Variants in GRID1 observed in about 807,000 individuals in gnomAD.
GRID1 encodes the protein glutamate ionotropic receptor delta type subunit 1.
A neutral mutation model predicts 98.0 loss-of-function variants in GRID1; 28 were observed. The observed-to-expected ratio is 0.29, with a 90% confidence interval of 0.21 to 0.39. GRID1 has a LOEUF of 0.39. Ranked by LOEUF, GRID1 falls within the 10% of genes least tolerant of loss-of-function variation. The pLI, the probability that GRID1 is intolerant of heterozygous loss-of-function variation, is 1.00. For missense variants in GRID1, 1,111 were observed against 1,340.5 expected (o/e 0.83, Z 2.67); for synonymous variants, 553 against 538.5 (o/e 1.03, Z -0.37).
chr10:85,630,759 G>C (rs1035655444), intron 13 of GRID1, among the ~76,000 whole-genome samples: 2 of 152,126 alleles, frequency 1.3e-5, no homozygotes, highest in African/African-American at 4.8e-5. Context: ...CCCATCCCAA[G>C]ACCCACCAAA....
intron 8 of GRID1, among the ~76,000 whole-genome samples, chr10:85,737,673 T>TATATATGTATAA (rs1342754070): frequency 7.1e-5 from 8 of 113,054 alleles, no homozygotes; most frequent in African/African-American, 2.8e-4. Flanking sequence ...TATATATATA[T>TATATATGTATAA]AAACATATAT....
chr10:85,985,081 C>T (rs11201861), intron 4 of GRID1, among the ~76,000 whole-genome samples: 50,355 of 151,976 alleles, frequency 0.33, 9,150 homozygotes, highest in South Asian at 0.5. Flanking sequence ...GCATCCCAAC[C>T]CCCCAGCTGT....
intron 3 of GRID1, among the ~76,000 whole-genome samples, chr10:86,199,120 C>T (rs1388136806): frequency 6.6e-6 from 1 of 152,130 alleles, no homozygotes; most frequent in Non-Finnish European, 1.5e-5. Flanking sequence ...CATCTCCCAT[C>T]CCAGTCCAAC....
chr10:86,289,574 A>G (rs1463650523), intron 2 of GRID1, among the ~76,000 whole-genome samples: 1 of 151,464 alleles, frequency 6.6e-6, no homozygotes, highest in Non-Finnish European at 1.5e-5. Flanking sequence ...TTTCTAAAAT[A>G]TGGCTCTGAT....
At chr10:85,952,610 C>T (rs1295159787) in intron 4 of GRID1, among the ~76,000 whole-genome samples, 2 of 151,822 alleles carry the variant, frequency 1.3e-5, no homozygotes, top group East Asian at 1.9e-4. Flanking sequence ...TTGGCTCACT[C>T]CCCAAAGAAA....
At chr10:85,833,524 CAAA>C (rs113962227) in intron 8 of GRID1, among the ~76,000 whole-genome samples, 7 of 103,866 alleles carry the variant, frequency 6.7e-5, no homozygotes, top group Non-Finnish European at 4.1e-5. Context: ...TAACTCCCAA[CAAA>C]AAAAAAAAAA....
In GRID1 at chr10:86,237,012, C is replaced by T. The variant is rs1393677081; in HGVS notation, c.236-30364G>A. ...CTTCTAATTCCATGGGCAGGCACGACACAGTCCTCTGCTTCTGCTTCCACA... is the reference window on the plus strand; with the variant it reads ...CTTCTAATTCCATGGGCAGGCACGATACAGTCCTCTGCTTCTGCTTCCACA... On this transcript the variant is annotated intron_variant, in intron 2 of 15. Transcript: ENST00000327946. 2.6e-5 allele frequency among the ~76,000 whole-genome samples: 4 copies of T among 152,128 alleles called. No individual in the cohort carries two copies. The East Asian group carries it at 5.8e-4, about 22-fold the overall frequency.
intron 8 of GRID1, among the ~76,000 whole-genome samples, chr10:85,770,201 G>A (rs1049011783): frequency 6.6e-6 from 1 of 152,170 alleles, no homozygotes; most frequent in Non-Finnish European, 1.5e-5. Flanking sequence ...ACCGCTGCTG[G>A]TACCCAGGCA....
rs1284061401 is a variant in GRID1 at position 85,647,242 on chromosome 10, G to A, written c.2153C>T (p.Ala718Val). 4 of 1,614,126 alleles carry A rather than the reference G, an allele frequency of 2.5e-6. No homozygotes were observed. The highest frequency in any genetic ancestry group is 3.4e-6 in the Non-Finnish European group (4 of 1,180,030). ...LWRTISKNGG[A>V]DNCVSSPSEG... The stretch of plus-strand genomic sequence containing the variant: ...TGAAGGACTGGACACGCAGTTGTCA[G>A]CCCCTCCGTTCTTGCTGATGGTCCG... The change falls in exon 13 of 16, where the codon GCT becomes GTT. Residue 718 changes from alanine (A) to valine (V), a missense_variant. This residue lies in a region of GRID1 where 762 missense variants were observed against 869.1 expected (regional missense o/e 0.88). Coordinates refer to ENST00000327946, the MANE Select transcript of GRID1 (RefSeq NM_017551.3).
At chr10:85,907,610 T>A (rs1347059656) in intron 5 of GRID1, among the ~76,000 whole-genome samples, 1 of 152,002 alleles carries the variant, frequency 6.6e-6, no homozygotes, top group Non-Finnish European at 1.5e-5. Flanking sequence ...GTGGAAAAAA[T>A]AATAATTATT....
At chr10:86,157,588 G>A (rs1589391270) in intron 3 of GRID1, among the ~76,000 whole-genome samples, 3 of 152,266 alleles carry the variant, frequency 2.0e-5, no homozygotes, top group East Asian at 3.9e-4. Flanking sequence ...CCCTAAACAC[G>A]TCTCTCCTCC....
chr10:85,654,213 C>T (rs1840867028), intron 12 of GRID1, among the ~76,000 whole-genome samples: 1 of 152,158 alleles, frequency 6.6e-6, no homozygotes. Flanking sequence ...TTCCTTCCCT[C>T]CATGGCGTTT....
intron 5 of GRID1, among the ~76,000 whole-genome samples, chr10:85,886,556 A>G (rs1222030272): frequency 6.6e-6 from 1 of 152,198 alleles, no homozygotes; most frequent in Non-Finnish European, 1.5e-5. Flanking sequence ...CAAAATTTCA[A>G]TGATGGACAT....
chr10:86,237,590 C>T (rs1846560523), intron 2 of GRID1, among the ~76,000 whole-genome samples: 1 of 152,060 alleles, frequency 6.6e-6, no homozygotes, highest in South Asian at 2.1e-4. Context: ...GTCCCAGCTA[C>T]TCAGGAGGCT....
At chr10:85,840,907 T>C (rs1842955382) in intron 8 of GRID1, among the ~76,000 whole-genome samples, 1 of 152,218 alleles carries the variant, frequency 6.6e-6, no homozygotes, top group Non-Finnish European at 1.5e-5. Context: ...AAAATGGCCA[T>C]ACTGGCCAAA....
intron 4 of GRID1, among the ~76,000 whole-genome samples, chr10:86,121,447 A>C (rs1313010320): frequency 7.1e-6 from 1 of 140,148 alleles, no homozygotes; most frequent in Non-Finnish European, 1.5e-5. Context: ...CATTAACATA[A>C]TCATCATCAT....
intron 4 of GRID1, among the ~76,000 whole-genome samples, chr10:85,994,273 C>A (rs1842715203): frequency 6.6e-6 from 1 of 152,198 alleles, no homozygotes; most frequent in African/African-American, 2.4e-5. Flanking sequence ...GGCAGCCTGA[C>A]CTGCCGGGTC....
intron 4 of GRID1, among the ~76,000 whole-genome samples, chr10:86,013,010 T>C (rs1270947648): frequency 6.6e-6 from 1 of 152,160 alleles, no homozygotes; most frequent in Non-Finnish European, 1.5e-5. Context: ...TCTTGACTAA[T>C]CCTAATTCCT....
At chr10:86,052,694 TAGAG>T (rs929256853) in intron 4 of GRID1, 5 of 151,700 alleles carry the variant, frequency 3.3e-5, no homozygotes, top group African/African-American at 9.7e-5. Context: ...AGAACAAACA[TAGAG>T]AAGAAGAATG....
Sources: allele counts gnomAD v4.1 joint callset (sites outside exome capture counted in the v4.1 genomes callset), GRCh38; gene constraint gnomAD v4.1.1; regional missense constraint gnomAD v4.1.1; transcripts MANE v1.5; gene names NCBI Gene and HGNC (gene_info 2026-07-23, HGNC 2026-07-21).